CLN3: variants seen among roughly 807,000 people sequenced by gnomAD.
CLN3 encodes CLN3 lysosomal/endosomal transmembrane protein, battenin, also known as battenin.
CLN3 carries 49 observed loss-of-function variants against 60.7 expected under a neutral mutation model. The observed-to-expected ratio is 0.81, with a 90% CI of 0.64 to 1.02. The LOEUF is 1.02. CLN3 is among the 50% of genes least tolerant of loss of function. The pLI is 0.00. For synonymous variants in CLN3, 256 were observed against 245.8 expected (o/e 1.04, Z -0.39); for missense variants, 516 against 557.4 (o/e 0.93, Z 0.75).
chr16:28,483,169 A>AT (rs2046133445), intron 10 of CLN3, among the ~76,000 whole-genome samples: 1 of 152,190 alleles, frequency 6.6e-6, no homozygotes, highest in South Asian at 2.1e-4. Context: ...ATACTTTATC[A>AT]TGATGAAAAT....
chr16:28,471,900 C>G (rs1047407968), downstream of CLN3, among the ~76,000 whole-genome samples: 4 of 152,150 alleles, frequency 2.6e-5, no homozygotes, highest in Non-Finnish European at 4.4e-5. Context: ...CATGGTGGCA[C>G]CTGCCTGTAG....
At chr16:28,484,178 C>A (rs1351782331) in intron 9 of CLN3, 60 bp from the exon 10 acceptor site, 2 of 1,230,448 alleles carry the variant, frequency 1.6e-6, no homozygotes, top group Non-Finnish European at 2.3e-6. Flanking sequence ...TCCCCAGGGA[C>A]CATCTAGGCC....
Position 28,492,058 on chromosome 16 carries a change from C to G in CLN3, c.-115G>C, listed in dbSNP as rs2141723626. 2.0e-6 allele frequency: 1 copy of G among 499,102 alleles called. No homozygotes were observed. The highest frequency in any genetic ancestry group is 2.4e-5 in the South Asian group (1 of 40,894). 30.9% of individuals were successfully genotyped at this position (499,102 alleles called of 1,614,324 possible). A position where few individuals can be genotyped will look rare whatever the true frequency, so the allele number is the denominator to read the frequency against. On this transcript the variant is annotated 5_prime_UTR_variant, in exon 1 of 16. Coordinates refer to ENST00000636147, the MANE Select transcript of CLN3 (RefSeq NM_001042432.2). ...AGAATGTTCTGCACTATGCAGAGGCCGTTTGTCGGATCACGTGACAGCACC... is the reference window on the plus strand; with the variant it reads ...AGAATGTTCTGCACTATGCAGAGGCGGTTTGTCGGATCACGTGACAGCACC...
intron 2 of CLN3, 57 bp downstream of exon 2, chr16:28,491,657 T>G (rs774610699): frequency 1.9e-6 from 3 of 1,613,896 alleles, no homozygotes; most frequent in East Asian, 2.2e-5. Context: ...CTCATTCCCC[T>G]CAGGTGGGCT....
chr16:28,472,422 C>T (rs2141688423), downstream of CLN3, among the ~76,000 whole-genome samples: 1 of 152,204 alleles, frequency 6.6e-6, no homozygotes, highest in South Asian at 2.1e-4. Flanking sequence ...ATAAAGTTAG[C>T]AGTTAGGGTC....
chr16:28,489,296 C>G lies in CLN3; in HGVS notation c.216G>C (p.Gln72His), dbSNP rs758501983. 1 of 1,612,058 alleles carries G rather than the reference C, an allele frequency of 6.2e-7. No individual in the cohort carries two copies. Among genetic ancestry groups the G allele is most frequent in the Non-Finnish European group, 8.5e-7 (1 of 1,178,924 alleles). ...ILSHKRTSGN[Q>H]SHVDPGPTPI... ...GTGGTAGAGAGTCACTTACATGGCT[C>G]TGGTTTCCCGATGTCCTCTTGTGGC... The change falls in exon 4 of 16, where the codon CAG becomes CAC. Residue 72 changes from glutamine to histidine, a missense_variant. By Grantham distance (24) the Gln-to-His change is conservative (BLOSUM62 0). Transcript: ENST00000636147.
Position 28,491,839 on chromosome 16 carries a change from C to A in CLN3, c.-76-4G>T, listed in dbSNP as rs796052334. 48 of 1,549,712 alleles carry A rather than the reference C, an allele frequency of 3.1e-5. 1 individual carries two copies. In the South Asian group the frequency reaches 3.3e-4, roughly 11 times the overall value. ...CTCCCACGGGAGGGATGAGGGTCTGCGACAGGTGACAAGGATCAACGCCCG... is the reference window on the plus strand; with the variant it reads ...CTCCCACGGGAGGGATGAGGGTCTGAGACAGGTGACAAGGATCAACGCCCG... On this transcript the variant is annotated splice_polypyrimidine_tract_variant and splice_region_variant and intron_variant, in intron 1 of 15. Transcript: ENST00000636147.
chr16:28,484,808 A>AT (rs2046176243), intron 9 of CLN3: 1 of 151,944 alleles, frequency 6.6e-6, no homozygotes, highest in Non-Finnish European at 1.5e-5. Flanking sequence ...GCTTCATGTT[A>AT]TTTGCCATAT....
downstream of CLN3, among the ~76,000 whole-genome samples, chr16:28,472,146 C>T (rs1054230241): frequency 3.3e-5 from 5 of 152,188 alleles, no homozygotes; most frequent in Non-Finnish European, 7.3e-5. Flanking sequence ...GGTGCAGTGG[C>T]CCACGCCTGT....
rs1596619900 is a variant in CLN3 at position 28,477,889 on chromosome 16, G to A, written c.1057-12C>T. Reference sequence around the variant, plus strand: ...ACCAGGTTGAGGCACTGTGAACAGGGGGAGAGGCTAAGCCTGGGACCAGGG... The same window carrying A: ...ACCAGGTTGAGGCACTGTGAACAGGAGGAGAGGCTAAGCCTGGGACCAGGG... On this transcript the variant is annotated splice_polypyrimidine_tract_variant and intron_variant, in intron 14 of 15. Transcript: ENST00000636147. 1.9e-6 allele frequency: 3 copies of A among 1,613,286 alleles called. No homozygotes were observed. The East Asian group carries it at 6.7e-5, about 36-fold the overall frequency.
chr16:28,470,088 T>G (rs3874701), downstream of CLN3, among the ~76,000 whole-genome samples: 6 of 141,380 alleles, frequency 4.2e-5, no homozygotes, highest in Admixed American at 7.0e-5. Flanking sequence ...CTCAGCTCAC[T>G]GCAACGTCCA....
chr16:28,489,530 T>C (rs2046278500), intron 3 of CLN3, 144 bp from the exon 4 acceptor site: 2 of 708,214 alleles, frequency 2.8e-6, no homozygotes, highest in Non-Finnish European at 5.1e-6. Flanking sequence ...TCATTCAATG[T>C]TGGGGTCAAA....
At position 28,491,779 on chromosome 16, in the gene CLN3, C is replaced by T; in HGVS notation, c.-20G>A. 4 of 1,613,242 alleles carry T rather than the reference C, an allele frequency of 2.5e-6. No homozygotes were observed. The highest frequency in any genetic ancestry group is 3.4e-6 in the Non-Finnish European group (4 of 1,179,998). ...TCCCATCGCATCAAGTTCAGGTCCC[C>T]CGAGGGTCCAGGGTCATAGAGTGTC... is the stretch of plus-strand genomic sequence containing the variant. On this transcript the variant is annotated 5_prime_UTR_variant, in exon 2 of 16. Coordinates refer to ENST00000636147, the MANE Select transcript of CLN3 (RefSeq NM_001042432.2).
intron 9 of CLN3, among the ~76,000 whole-genome samples, chr16:28,485,571 CAAAAAAAAAAAAAAAAAA>C (rs67148714): frequency 8.5e-5 from 1 of 11,768 alleles, no homozygotes; most frequent in East Asian, 4.2e-3. Flanking sequence ...GACTCCGTCT[CAAAAAAAAAAAAAAAAAA>C]AAAAAAAAAA....
At chr16:28,491,168 T>C (rs59772003) in intron 3 of CLN3, 11,600 of 382,516 alleles carry the variant, frequency 0.03, 1,160 homozygotes, top group African/African-American at 0.21. Context: ...AAAACGCTGG[T>C]TTTCCAAGTG....
chr16:28,482,272 A>AGG, intron 13 of CLN3, 55 bp downstream of exon 13: 1 of 1,600,746 alleles, frequency 6.2e-7, no homozygotes, highest in South Asian at 1.1e-5. Flanking sequence ...CCTACTGGGC[A>AGG]GGGCAGCTGC....
chr16:28,484,634 G>A (rs1283920573), intron 9 of CLN3: 2 of 191,474 alleles, frequency 1.0e-5, no homozygotes, highest in Non-Finnish European at 2.2e-5. Context: ...ACAGCTGTGA[G>A]CCACTGTGCT....
At chr16:28,483,713 C>CTTTTTTTT (rs755660742) in intron 10 of CLN3, among the ~76,000 whole-genome samples, 6 of 100,526 alleles carry the variant, frequency 6.0e-5, no homozygotes, top group Admixed American at 1.0e-4. Flanking sequence ...CCTTTCTTTT[C>CTTTTTTTT]TTTTTTTTTT....
downstream of CLN3, chr16:28,470,593 G>A (rs1377362913): frequency 5.8e-5 from 3 of 52,014 alleles, no homozygotes; most frequent in Admixed American, 2.9e-4. Flanking sequence ...GGAAGGGGAG[G>A]GGGAGGGGAA....
Sources: allele counts gnomAD v4.1 joint callset (sites outside exome capture counted in the v4.1 genomes callset), GRCh38; gene constraint gnomAD v4.1.1; transcripts MANE v1.5; gene names NCBI Gene and HGNC (gene_info 2026-07-23, HGNC 2026-07-21).